Variants in SLC14A2 observed in about 807,000 individuals in gnomAD.
The protein encoded by SLC14A2 is solute carrier family 14 member 2.
Under a neutral mutation model 104.6 loss-of-function variants are expected in SLC14A2, and 91 were observed. The ratio of observed to expected loss-of-function variants is 0.87; its 90% CI spans 0.73 to 1.04. SLC14A2 has a LOEUF of 1.04. Among genes scored for constraint, SLC14A2 ranks in the 50% least tolerant of loss-of-function variants. The probability of loss-of-function intolerance (pLI) is 0.00; values close to 1 mark genes in which losing one functional copy is unlikely to be tolerated. For missense variants in SLC14A2, 1,189 were observed against 1,156.0 expected, an observed-to-expected ratio of 1.03 and a Z score of -0.41; for synonymous variants, 476 against 466.4, an observed-to-expected ratio of 1.02 and a Z score of -0.27.
intron 1 of SLC14A2, among the ~76,000 whole-genome samples, chr18:45,235,989 G>A (rs1287299638): frequency 1.1e-3 from 63 of 57,170 alleles, no homozygotes; most frequent in African/African-American, 3.2e-3. Flanking sequence ...GTATATATGT[G>A]TATATATACA....
chr18:45,333,261 A>G (rs747728567), intron 1 of SLC14A2, among the ~76,000 whole-genome samples: 5 of 152,086 alleles, frequency 3.3e-5, no homozygotes, highest in Non-Finnish European at 5.9e-5. Flanking sequence ...CAGAGATGAA[A>G]ATATTTAGAT....
chr18:45,226,255 G>A (rs2084115470), intron 1 of SLC14A2, among the ~76,000 whole-genome samples: 1 of 152,192 alleles, frequency 6.6e-6, no homozygotes, highest in Admixed American at 6.5e-5. Flanking sequence ...GTGGAAGACA[G>A]TGTGGTGATT....
At chr18:45,226,077 C>T (rs2084113298) in intron 1 of SLC14A2, among the ~76,000 whole-genome samples, 1 of 152,110 alleles carries the variant, frequency 6.6e-6, no homozygotes, top group African/African-American at 2.4e-5. Context: ...AAATGCTCAT[C>T]ATCACTGGCC....
At chr18:45,246,327 T>TA (rs1255055601) in intron 1 of SLC14A2, among the ~76,000 whole-genome samples, 4 of 152,126 alleles carry the variant, frequency 2.6e-5, no homozygotes, top group Admixed American at 1.3e-4. Flanking sequence ...TTCTGTAGTC[T>TA]AAGCCACCCA....
intron 18 of SLC14A2, among the ~76,000 whole-genome samples, chr18:45,675,083 G>A (rs530570200): frequency 2.3e-4 from 35 of 152,108 alleles, no homozygotes; most frequent in Non-Finnish European, 4.9e-4. Flanking sequence ...AGAAGCCTCT[G>A]ATAAATCAAG....
chr18:45,354,137 A>G (rs1330017300), intron 1 of SLC14A2, among the ~76,000 whole-genome samples: 1 of 152,216 alleles, frequency 6.6e-6, no homozygotes, highest in Non-Finnish European at 1.5e-5. Context: ...TATAACATCA[A>G]TACTACGTAA....
At chr18:45,538,917 T>G (rs1166617728) in intron 2 of SLC14A2, among the ~76,000 whole-genome samples, 4 of 151,496 alleles carry the variant, frequency 2.6e-5, no homozygotes, top group Non-Finnish European at 5.9e-5. Context: ...TTTTTTGCTT[T>G]CTTTCCTTTC....
chr18:45,680,365 T>C (rs1380780592), intron 19 of SLC14A2, among the ~76,000 whole-genome samples: 1 of 152,222 alleles, frequency 6.6e-6, no homozygotes, highest in African/African-American at 2.4e-5. Flanking sequence ...AGTTTAGACA[T>C]CTTTCAAAAC....
At chr18:45,585,271 C>A (rs548072079) in intron 2 of SLC14A2, among the ~76,000 whole-genome samples, 2 of 152,154 alleles carry the variant, frequency 1.3e-5, no homozygotes, top group African/African-American at 2.4e-5. Context: ...ATTGTAACTC[C>A]GTCCCCTATC....
At chr18:45,681,452 G>T (rs1859295008) in intron 19 of SLC14A2, among the ~76,000 whole-genome samples, 1 of 152,238 alleles carries the variant, frequency 6.6e-6, no homozygotes, top group African/African-American at 2.4e-5. Context: ...CAGGCTCATT[G>T]TTAGCAAACT....
intron 1 of SLC14A2, among the ~76,000 whole-genome samples, chr18:45,217,691 A>G (rs539751469): frequency 7.2e-5 from 11 of 152,310 alleles, no homozygotes; most frequent in African/African-American, 2.6e-4. Flanking sequence ...GAGGATTGGG[A>G]TAACAGCATT....
chr18:45,288,796 T>TCCC (rs1403993175), intron 1 of SLC14A2, among the ~76,000 whole-genome samples: 2 of 152,144 alleles, frequency 1.3e-5, no homozygotes, highest in African/African-American at 4.8e-5. Context: ...CCATGCCCAG[T>TCCC]CCCCGCCTGC....
intron 10 of SLC14A2, chr18:45,646,570 G>A (rs1358908212): frequency 6.6e-6 from 1 of 152,158 alleles, no homozygotes; most frequent in East Asian, 1.9e-4. Flanking sequence ...CATGCTTACT[G>A]GATCCCCAGG....
intron 2 of SLC14A2, among the ~76,000 whole-genome samples, chr18:45,572,191 T>C (rs1393809574): frequency 6.6e-6 from 1 of 152,208 alleles, no homozygotes; most frequent in Non-Finnish European, 1.5e-5. Flanking sequence ...CATATGCATT[T>C]AGACTGGCTC....
At chr18:45,592,917 C>G (rs1190283520) in intron 2 of SLC14A2, among the ~76,000 whole-genome samples, 1 of 152,224 alleles carries the variant, frequency 6.6e-6, no homozygotes, top group Admixed American at 6.5e-5. Flanking sequence ...AAATCAGACA[C>G]TCTCTGGATT....
At chr18:45,649,166 T>C (rs1313634707) in intron 10 of SLC14A2, among the ~76,000 whole-genome samples, 1 of 138,678 alleles carries the variant, frequency 7.2e-6, no homozygotes, top group Admixed American at 7.4e-5. Flanking sequence ...CGAGTGAGAC[T>C]CTGTCTCAAA....
At chr18:45,457,360 T>C (rs1010874740) in intron 1 of SLC14A2, among the ~76,000 whole-genome samples, 2 of 151,952 alleles carry the variant, frequency 1.3e-5, no homozygotes, top group African/African-American at 4.8e-5. Flanking sequence ...TGGTGGTGGA[T>C]TTAGAGAGAA....
At chr18:45,170,751 TG>T in the SLC14A2 span, among the ~76,000 whole-genome samples, 2 of 152,198 alleles carry the variant, frequency 1.3e-5, no homozygotes, top group Non-Finnish European at 2.9e-5. Context: ...CCTATTTTCC[TG>T]TGGGTCTAGG....
chr18:45,379,756 C>T (rs1030430367), intron 1 of SLC14A2, among the ~76,000 whole-genome samples: 6 of 152,186 alleles, frequency 3.9e-5, no homozygotes, highest in African/African-American at 1.2e-4. Context: ...ATAAAATCCT[C>T]CCCACTGAGT....
Sources: gnomAD v4.1 joint callset for allele counts (sites outside exome capture counted in the v4.1 genomes callset) on GRCh38, gnomAD v4.1.1 for gene constraint, MANE v1.5 for transcripts, NCBI Gene and HGNC (gene_info 2026-07-23, HGNC 2026-07-21) for gene names.